PCDHA5: variants seen among roughly 807,000 people sequenced by gnomAD.
PCDHA5 encodes protocadherin alpha 5.
PCDHA5 carries 43 observed loss-of-function variants against 61.6 expected under a neutral mutation model. That is an observed-to-expected ratio of 0.70 (90% confidence interval 0.55 to 0.90). The LOEUF (loss-of-function observed/expected upper bound fraction) is 0.90. PCDHA5 is among the 40% of genes least tolerant of loss of function. PCDHA5 has a pLI of 0.00. For missense variants in PCDHA5, 1,298 were observed against 1,222.7 expected (o/e 1.06, Z -0.92); for synonymous variants, 627 against 543.9 (o/e 1.15, Z -2.13).
In PCDHA5 at chr5:140,850,828, C is replaced by G. The variant is rs2150499866; in HGVS notation, c.2352+26701C>G. 6.3e-7 allele frequency: 1 copy of G among 1,598,230 alleles called. No homozygotes were observed. Among genetic ancestry groups the G allele is most frequent in the East Asian group, 2.2e-5 (1 of 44,856 alleles). On this transcript the variant is annotated intron_variant, in intron 1 of 3. Coordinates refer to ENST00000529859, the MANE Select transcript of PCDHA5 (RefSeq NM_018908.3). ...ATGGCCTTCAGCCCGGGCCTTTCTC[C>G]TTGTGCTGGATCTACAGAGCGAACG...
At chr5:140,980,607 C>T (rs1471918192) in intron 2 of PCDHA5, among the ~76,000 whole-genome samples, 5 of 151,334 alleles carry the variant, frequency 3.3e-5, no homozygotes, top group Non-Finnish European at 7.4e-5. Context: ...TCCAGCCTGG[C>T]GACAGTGCGA....
chr5:140,841,061 G>T (rs1479133522), intron 1 of PCDHA5: 1 of 457,826 alleles, frequency 2.2e-6, no homozygotes, highest in Non-Finnish European at 3.8e-6. Flanking sequence ...ATTAAATTAT[G>T]ATAAAGAAAT....
chr5:140,833,326 A>G (rs1772407379), intron 1 of PCDHA5, among the ~76,000 whole-genome samples: 1 of 152,216 alleles, frequency 6.6e-6, no homozygotes, highest in Non-Finnish European at 1.5e-5. Flanking sequence ...GCCATTGGGA[A>G]CATTGGAGTG....
At chr5:140,829,555 G>A in intron 1 of PCDHA5, 1 of 1,612,836 alleles carries the variant, frequency 6.2e-7, no homozygotes, top group Non-Finnish European at 8.5e-7. Context: ...AGGAGAACGC[G>A]CTGGTGTCCT....
chr5:140,841,839 G>A, intron 1 of PCDHA5: 1 of 1,613,898 alleles, frequency 6.2e-7, no homozygotes, highest in Middle Eastern at 1.6e-4. Context: ...TACAGGCTTA[G>A]CTCTCATGAT....
chr5:140,862,692 G>C, intron 1 of PCDHA5: 1 of 555,502 alleles, frequency 1.8e-6, no homozygotes, highest in Non-Finnish European at 3.6e-6. Flanking sequence ...TGTCCTACTC[G>C]TTGATGGAAC....
chr5:140,886,637 C>A (rs1379156415), intron 1 of PCDHA5, among the ~76,000 whole-genome samples: 3 of 151,848 alleles, frequency 2.0e-5, no homozygotes, highest in Non-Finnish European at 4.4e-5. Context: ...ACCAGCCTGG[C>A]CAACATGGTG....
chr5:140,833,890 A>G (rs1772705183), intron 1 of PCDHA5, among the ~76,000 whole-genome samples: 1 of 152,210 alleles, frequency 6.6e-6, no homozygotes, highest in African/African-American at 2.4e-5. Context: ...TGGGATCTAG[A>G]TCAAAGGAAT....
chr5:140,824,510 G>A (rs1052808774), intron 1 of PCDHA5: 6 of 283,302 alleles, frequency 2.1e-5, no homozygotes, highest in Non-Finnish European at 2.6e-5. Flanking sequence ...AGTCTGCAGT[G>A]ATCTGATCAT....
At chr5:140,929,590 G>T in intron 1 of PCDHA5, 1 of 426,240 alleles carries the variant, frequency 2.3e-6, no homozygotes, top group Non-Finnish European at 4.2e-6. Context: ...TGACATAAAG[G>T]TCTAAAATTA....
intron 1 of PCDHA5, chr5:140,968,109 A>G (rs2096220086): frequency 6.2e-7 from 1 of 1,614,046 alleles, no homozygotes; most frequent in African/African-American, 1.3e-5. Context: ...GGAATACCGC[A>G]GCTCACATCC....
intron 1 of PCDHA5, among the ~76,000 whole-genome samples, chr5:140,913,707 A>T (rs1355291016): frequency 6.6e-6 from 1 of 152,120 alleles, no homozygotes; most frequent in Non-Finnish European, 1.5e-5. Flanking sequence ...CAATGTAGGC[A>T]ATTACAGCTA....
chr5:140,981,407 C>G (rs1410838924), intron 2 of PCDHA5, among the ~76,000 whole-genome samples: 1 of 152,042 alleles, frequency 6.6e-6, no homozygotes, highest in Non-Finnish European at 1.5e-5. Flanking sequence ...AAACCTGTCT[C>G]TACTAAAAAT....
chr5:141,001,269 C>A (rs536985121), intron 3 of PCDHA5, among the ~76,000 whole-genome samples: 2 of 152,152 alleles, frequency 1.3e-5, no homozygotes, highest in East Asian at 3.9e-4. Context: ...CTCTTATGAA[C>A]TTTTTTTACG....
At chr5:140,857,366 G>A in intron 1 of PCDHA5, 1 of 1,598,350 alleles carries the variant, frequency 6.3e-7, no homozygotes, top group Non-Finnish European at 8.6e-7. Context: ...CACGGCCAGC[G>A]TGTCTGTGGA....
intron 3 of PCDHA5, among the ~76,000 whole-genome samples, chr5:140,984,986 G>A (rs553872050): frequency 6.6e-6 from 1 of 152,080 alleles, no homozygotes; most frequent in African/African-American, 2.4e-5. Context: ...CCCCCAGGCT[G>A]GAGTCCAGTG....
intron 1 of PCDHA5, chr5:140,858,577 A>T: frequency 7.4e-7 from 1 of 1,352,316 alleles, no homozygotes; most frequent in Non-Finnish European, 1.0e-6. Context: ...ATACCTTTGT[A>T]ATATAATTTA....
At chr5:141,007,977 T>A (rs564286183) in intron 3 of PCDHA5, among the ~76,000 whole-genome samples, 20 of 152,362 alleles carry the variant, frequency 1.3e-4, no homozygotes, top group African/African-American at 4.8e-4. Flanking sequence ...GTCTGTCATG[T>A]ATATATGAAA....
At chr5:140,876,061 C>T (rs782151232) in intron 1 of PCDHA5, 17 of 1,613,778 alleles carry the variant, frequency 1.1e-5, no homozygotes, top group African/African-American at 1.3e-5. Context: ...ATTAGTTCTT[C>T]GGAAGTTATT....
Sources: allele counts gnomAD v4.1 joint callset (sites outside exome capture counted in the v4.1 genomes callset), GRCh38; gene constraint gnomAD v4.1.1; transcripts MANE v1.5; gene names NCBI Gene and HGNC (gene_info 2026-07-23, HGNC 2026-07-21).